CDK13: variants seen among roughly 807,000 people sequenced by gnomAD.
CDK13 encodes cyclin dependent kinase 13.
In CDK13, 40 loss-of-function variants were observed where a neutral mutation model predicts 137.6. The ratio of observed to expected loss-of-function variants is 0.29; its 90% confidence interval spans 0.23 to 0.38. CDK13 has a LOEUF of 0.38. CDK13 is among the 10% of genes least tolerant of loss of function. The probability of loss-of-function intolerance (pLI) is 1.00; values close to 1 mark genes in which losing one functional copy is unlikely to be tolerated. For missense variants in CDK13, 1,704 were observed against 1,951.8 expected, an observed-to-expected ratio of 0.87 and a Z score of 2.39; for synonymous variants, 869 against 760.1, an observed-to-expected ratio of 1.14 and a Z score of -2.36.
chr7:39,959,183 CTTT>C (rs568947203), intron 1 of CDK13, among the ~76,000 whole-genome samples: 1 of 144,078 alleles, frequency 6.9e-6, no homozygotes, highest in Non-Finnish European at 1.5e-5. Context: ...TAATTTCTTT[CTTT>C]TTTTTTTTTT....
At chr7:39,957,089 T>TTG (rs1787429685) in intron 1 of CDK13, among the ~76,000 whole-genome samples, 1 of 131,798 alleles carries the variant, frequency 7.6e-6, no homozygotes, top group Non-Finnish European at 1.6e-5. Flanking sequence ...AATCCCACTG[T>TTG]CGTGTGTGTG....
intron 1 of CDK13, among the ~76,000 whole-genome samples, chr7:39,959,088 C>T (rs1787521198): frequency 6.6e-6 from 1 of 152,052 alleles, no homozygotes; most frequent in Non-Finnish European, 1.5e-5. Context: ...CCTATTGGTG[C>T]CTGGCACCAT....
At chr7:40,046,749 C>G (rs765607495) in intron 6 of CDK13, among the ~76,000 whole-genome samples, 2 of 151,992 alleles carry the variant, frequency 1.3e-5, no homozygotes, top group Non-Finnish European at 2.9e-5. Flanking sequence ...AGCCTGTAAT[C>G]CCAACACTTT....
intron 1 of CDK13, among the ~76,000 whole-genome samples, chr7:39,983,234 A>G (rs1336886659): frequency 6.6e-6 from 1 of 152,172 alleles, no homozygotes; most frequent in Non-Finnish European, 1.5e-5. Flanking sequence ...AGCTTTCTAC[A>G]TATGGCTAGC....
At chr7:39,977,074 G>A (rs956847180) in intron 1 of CDK13, among the ~76,000 whole-genome samples, 1 of 152,172 alleles carries the variant, frequency 6.6e-6, no homozygotes, top group African/African-American at 2.4e-5. Context: ...AGACCGTGCT[G>A]CTTGTTTGGA....
chr7:39,997,296 TC>T (rs1784585293), intron 2 of CDK13, among the ~76,000 whole-genome samples, 197 bp from the exon 3 acceptor site: 1 of 152,164 alleles, frequency 6.6e-6, no homozygotes, highest in Non-Finnish European at 1.5e-5. Flanking sequence ...TAATTCTATA[TC>T]ATTTTTACTC....
Position 39,951,653 on chromosome 7 carries a change from C to T in CDK13, c.1012C>T (p.Arg338Cys), listed in dbSNP as rs1787215892. Residue 338 changes from arginine (R) to cysteine (C), a missense_variant, in exon 1 of 14, where the codon CGC becomes TGC. Arg to Cys is a radical substitution (Grantham distance 180, BLOSUM62 -3). Coordinates refer to ENST00000181839, the MANE Select transcript of CDK13 (RefSeq NM_003718.5). ...SHRASQSLRS[R>C]KSPSPAGGGS... The stretch of plus-strand genomic sequence containing the variant: ...CAGGGCCTCTCAGAGCCTGAGGAGC[C>T]GCAAGTCCCCCAGCCCGGCAGGAGG... The T allele has an allele frequency of 8.1e-6, 12 of 1,476,850 alleles. No homozygotes were observed. The highest frequency in any genetic ancestry group is 1.5e-5 in the African/African-American group (1 of 68,460). 91.5% of individuals were successfully genotyped at this position (1,476,850 alleles called of 1,614,324 possible).
At chr7:40,011,937 G>GA in intron 5 of CDK13, among the ~76,000 whole-genome samples, 1 of 152,140 alleles carries the variant, frequency 6.6e-6, no homozygotes, top group African/African-American at 2.4e-5. Context: ...ACTAAATAAT[G>GA]AAAAAAGACA....
intron 1 of CDK13, among the ~76,000 whole-genome samples, chr7:39,981,939 C>T (rs1288302756): frequency 6.7e-6 from 1 of 148,698 alleles, no homozygotes; most frequent in African/African-American, 2.4e-5. Context: ...CCACAGGCGC[C>T]CGCCACTACG....
rs1787039961 is a variant in CDK13, at chr7:40,096,054, A to G, written c.*1074A>G. On this transcript the variant is annotated 3_prime_UTR_variant, in exon 14 of 14. Coordinates refer to ENST00000181839, the MANE Select transcript of CDK13 (RefSeq NM_003718.5). ...CATATTATCCCTGTTTCCATTTGCC[A>G]TGGATAATTGGAGGGTCATGGTATA... 1.3e-5 allele frequency: 2 copies of G among 152,156 alleles called. No homozygotes were observed. The highest frequency in any genetic ancestry group is 1.3e-4 in the Admixed American group (2 of 15,264). The allele number at this position is 152,156 out of a possible 1,614,324, so 9.4% of individuals were successfully genotyped here.
At chr7:39,973,902 G>A (rs1194166816) in intron 1 of CDK13, among the ~76,000 whole-genome samples, 1 of 152,136 alleles carries the variant, frequency 6.6e-6, no homozygotes, top group African/African-American at 2.4e-5. Flanking sequence ...ACAAATGTTA[G>A]GATTTATTTA....
At chr7:40,029,294 G>A (rs1194554569) in intron 5 of CDK13, among the ~76,000 whole-genome samples, 4 of 152,046 alleles carry the variant, frequency 2.6e-5, no homozygotes, top group African/African-American at 9.7e-5. Flanking sequence ...CGATCGTGGT[G>A]ATGGACGCCT....
intron 11 of CDK13, among the ~76,000 whole-genome samples, chr7:40,086,794 T>C (rs1786795724): frequency 6.6e-6 from 1 of 151,700 alleles, no homozygotes; most frequent in Admixed American, 6.6e-5. Context: ...ACAAATGTTA[T>C]GTTCTAGCCT....
At chr7:39,954,956 T>C (rs1436037230) in intron 1 of CDK13, among the ~76,000 whole-genome samples, 1 of 152,152 alleles carries the variant, frequency 6.6e-6, no homozygotes, top group African/African-American at 2.4e-5. Flanking sequence ...AATAAATCCT[T>C]TTCATTTTAG....
At chr7:39,964,479 A>G (rs1484286637) in intron 1 of CDK13, among the ~76,000 whole-genome samples, 3 of 150,764 alleles carry the variant, frequency 2.0e-5, no homozygotes, top group Non-Finnish European at 4.4e-5. Context: ...CCCCTTTATC[A>G]TTTTTTATTG....
At chr7:40,071,117 G>GA (rs1412103541) in intron 9 of CDK13, 1 of 152,038 alleles carries the variant, frequency 6.6e-6, no homozygotes, top group Non-Finnish European at 1.5e-5. Flanking sequence ...TTCCCATATT[G>GA]AAAGAAATGA....
intron 9 of CDK13, among the ~76,000 whole-genome samples, chr7:40,074,812 C>T (rs1217554866): frequency 2.7e-5 from 4 of 150,628 alleles, no homozygotes; most frequent in African/African-American, 7.3e-5. Context: ...GCAGTGGAAC[C>T]CTGTGTCTAT....
intron 1 of CDK13, among the ~76,000 whole-genome samples, chr7:39,975,433 C>T (rs1022428493): frequency 1.3e-5 from 2 of 152,010 alleles, no homozygotes; most frequent in African/African-American, 2.4e-5. Flanking sequence ...AAAAAAACCC[C>T]TCAAATACCT....
At chr7:39,966,645 G>A (rs1378245343) in intron 1 of CDK13, among the ~76,000 whole-genome samples, 8 of 152,098 alleles carry the variant, frequency 5.3e-5, no homozygotes, top group Admixed American at 1.3e-4. Flanking sequence ...GCTTTGTTCC[G>A]TTGCTGGTGA....
Sources: allele counts gnomAD v4.1 joint callset (sites outside exome capture counted in the v4.1 genomes callset), GRCh38; gene constraint gnomAD v4.1.1; transcripts MANE v1.5; gene names NCBI Gene and HGNC (gene_info 2026-07-23, HGNC 2026-07-21).